PPM1G: variants seen among roughly 807,000 people sequenced by gnomAD.
PPM1G encodes protein phosphatase, Mg2+/Mn2+ dependent 1G.
In PPM1G, 12 loss-of-function variants were observed where a neutral mutation model predicts 59.4. That is an observed-to-expected ratio of 0.20 (90% CI 0.13 to 0.33). The LOEUF (loss-of-function observed/expected upper bound fraction) is 0.33. PPM1G is among the 10% of genes least tolerant of loss of function. PPM1G has a pLI of 1.00. For synonymous variants in PPM1G, 245 were observed against 251.9 expected (o/e 0.97, Z 0.26); for missense variants, 392 against 681.3 (o/e 0.58, Z 4.73).
intron 1 of PPM1G, chr2:27,393,178 TCTC>T (rs1683958780): frequency 6.7e-7 from 1 of 1,500,512 alleles, no homozygotes; most frequent in Non-Finnish European, 9.2e-7. Context: ...GCATGTTCCC[TCTC>T]CTCATGAGAT....
intron 1 of PPM1G, 136 bp from the exon 2 acceptor site, chr2:27,387,294 GATAAA>G (rs1462417865): frequency 1.5e-6 from 1 of 645,378 alleles, no homozygotes; most frequent in African/African-American, 1.8e-5. Flanking sequence ...AAGAAGGAAT[GATAAA>G]ATAAATACAG....
rs143885038 is a variant in PPM1G at position 27,396,267 on chromosome 2, G to A, written c.121-9109C>T. ...AGCCTGGGCGACAGAGCAGGACTCC[G>A]TCTCAAAAAAATTTTTTTTAAATTA... On this transcript the variant is annotated intron_variant, in intron 1 of 9. Coordinates refer to ENST00000344034, the MANE Select transcript of PPM1G (RefSeq NM_177983.3). Among the ~76,000 whole-genome samples, 330 of 152,204 alleles carry A rather than the reference G, an allele frequency of 2.2e-3. 3 individuals carry two copies. The highest frequency in any genetic ancestry group is 7.2e-3 in the African/African-American group (298 of 41,538).
chr2:27,400,634 G>C (rs1415162545), intron 1 of PPM1G, among the ~76,000 whole-genome samples: 1 of 152,044 alleles, frequency 6.6e-6, no homozygotes, highest in Non-Finnish European at 1.5e-5. Flanking sequence ...TGACCTCCTG[G>C]AGATAAGAAA....
At chr2:27,393,647 C>A (rs936261849) in intron 1 of PPM1G, among the ~76,000 whole-genome samples, 4 of 152,178 alleles carry the variant, frequency 2.6e-5, no homozygotes, top group African/African-American at 7.2e-5. Flanking sequence ...TGCAGTGGCG[C>A]AATCTTGGCT....
chr2:27,394,487 T>C (rs867706703), intron 1 of PPM1G, among the ~76,000 whole-genome samples: 91 of 151,912 alleles, frequency 6.0e-4, no homozygotes, highest in African/African-American at 2.0e-3. Context: ...TCCCACCACT[T>C]TGGGAGGCCG....
rs70953857 is a variant in PPM1G, at chr2:27,392,286, GTTT to G, written c.121-5131_121-5129del. On this transcript the variant is annotated intron_variant, in intron 1 of 9. Transcript: ENST00000344034. ...TTACTTTGTTTTGTTGGTTTGTTTT[GTTT>G]TTTTTTTTTTTTTTTTTTTTTGAGA... is the stretch of plus-strand genomic sequence containing the variant. Among the ~76,000 whole-genome samples the G allele has an allele frequency of 1.7e-3, 122 of 70,418 alleles. 1 individual carries two copies. The highest frequency in any genetic ancestry group is 8.5e-3 in the South Asian group (18 of 2,120). The allele number at this position is 70,418 out of a possible 152,430, so 46.2% of individuals were successfully genotyped here. A position where few individuals can be genotyped will look rare whatever the true frequency, so the allele number is the denominator to read the frequency against.
chr2:27,395,616 G>A (rs1332865553), intron 1 of PPM1G, among the ~76,000 whole-genome samples: 2 of 152,102 alleles, frequency 1.3e-5, no homozygotes, highest in Non-Finnish European at 2.9e-5. Flanking sequence ...GCTGAGGTGG[G>A]AGGATCACTT....
rs202219972 is a variant in PPM1G at position 27,391,174 on chromosome 2, GATTT to G, written c.121-4020_121-4017del. 7.6e-3 allele frequency among the ~76,000 whole-genome samples: 1,154 copies of G among 152,310 alleles called. 19 individuals carry two copies. Among genetic ancestry groups the G allele is most frequent in the African/African-American group, 0.026 (1,100 of 41,566 alleles). The stretch of plus-strand genomic sequence containing the variant: ...GGTACATATGTTCTTTTGGCAGAAT[GATTT>G]ATTTTCCTTTGGCCGTATATCCAGC... On this transcript the variant is annotated intron_variant, in intron 1 of 9. Coordinates refer to ENST00000344034, the MANE Select transcript of PPM1G (RefSeq NM_177983.3).
At chr2:27,404,852 G>A (rs925662316) in intron 1 of PPM1G, among the ~76,000 whole-genome samples, 2 of 149,738 alleles carry the variant, frequency 1.3e-5, no homozygotes, top group Non-Finnish European at 3.0e-5. Flanking sequence ...GCTGAGGCAG[G>A]AGAATCGCTT....
chr2:27,381,635 G>A lies in PPM1G; in HGVS notation c.1605C>T (p.Gly535=), dbSNP rs1320778381. ...VLSTEGAEEN[G]NSDKKKKAKR... The stretch of plus-strand genomic sequence containing the variant: ...TGGCCTTCTTCTTCTTGTCGCTGTT[G>A]CCATTTTCTTCAGCCCCCTCAGTAG... The change falls in exon 10 of 10, where the codon GGC becomes GGT. Residue 535 remains glycine, a synonymous_variant. Transcript: ENST00000344034. The A allele has an allele frequency of 6.2e-7, 1 of 1,614,064 alleles. No individual in the cohort carries two copies. The highest frequency in any genetic ancestry group is 2.2e-5 in the East Asian group (1 of 44,858).
At chr2:27,392,874 G>C in intron 1 of PPM1G, 1 of 1,422,264 alleles carries the variant, frequency 7.0e-7, no homozygotes, top group Middle Eastern at 2.4e-4. Flanking sequence ...CGTGCATGTT[G>C]GTCACGTGGT....
intron 1 of PPM1G, among the ~76,000 whole-genome samples, chr2:27,389,737 G>C (rs78495141): frequency 0.011 from 1,720 of 152,246 alleles, 38 homozygotes; most frequent in African/African-American, 0.039. Context: ...AGGTAGGCAG[G>C]AGGACTGATT....
chr2:27,385,073 G>T lies in PPM1G; in HGVS notation c.425C>A (p.Ala142Asp). The T allele has an allele frequency of 6.2e-7, 1 of 1,606,140 alleles. No homozygotes were observed. The change falls in exon 5 of 10, where the codon GCT (alanine) becomes GAT (aspartate). Residue 142 changes from alanine (A) to aspartate (D), a missense_variant. Ala to Asp is a moderately radical substitution (Grantham distance 126). Transcript: ENST00000344034. This position sits in a 1 kb window ranked among gnomAD's most constrained non-coding sequence, Gnocchi z 4.1. The stretch of plus-strand genomic sequence containing the variant: ...GGTAGCCTCTTCATGCAGCAGTGCA[G>T]CCTCCTCATTGTCCACTGCAGGGAA... ...ADEDDVDNEE[A>D]ALLHEEATMT...
rs886464098 is a variant in PPM1G at position 27,381,405 on chromosome 2, G to A, written c.*194C>T. 1.3e-5 allele frequency: 8 copies of A among 615,698 alleles called. No homozygotes were observed. Among genetic ancestry groups the A allele is most frequent in the South Asian group, 2.0e-5 (1 of 51,264 alleles). The allele number at this position is 615,698 out of a possible 1,614,324, so 38.1% of individuals were successfully genotyped here. A position where few individuals can be genotyped will look rare whatever the true frequency, so the allele number is the denominator to read the frequency against. ...GGTGATGAGCCCGAGGAGCAGAGGC[G>A]GCTGGGAAGGACAGCAGAGGCTCCC... On this transcript the variant is annotated 3_prime_UTR_variant, in exon 10 of 10. Coordinates refer to ENST00000344034, the MANE Select transcript of PPM1G (RefSeq NM_177983.3).
intron 1 of PPM1G, among the ~76,000 whole-genome samples, chr2:27,391,192 C>T (rs1208257355): frequency 2.0e-5 from 3 of 152,114 alleles, no homozygotes; most frequent in East Asian, 1.9e-4. Flanking sequence ...TTCCTTTGGC[C>T]GTATATCCAG....
Position 27,382,258 on chromosome 2 carries a change from C to G in PPM1G, c.1332-30G>C, listed in dbSNP as rs201395792. 1.6e-4 allele frequency: 262 copies of G among 1,605,380 alleles called. No individual in the cohort carries two copies. The African/African-American group carries it at 3.3e-3, about 20-fold the overall frequency. On this transcript the variant is annotated intron_variant, in intron 8 of 9. Transcript: ENST00000344034. This position sits in a 1 kb window ranked among gnomAD's most constrained non-coding sequence, Gnocchi z 4.2. ...GGTCAAGAACAACAGTCAGAATCTT[C>G]CAGTCTCACTAAGGCAGCGTAGAGG...
chr2:27,388,954 T>C (rs535260913), intron 1 of PPM1G, among the ~76,000 whole-genome samples: 19 of 148,954 alleles, frequency 1.3e-4, no homozygotes, highest in Non-Finnish European at 2.2e-4. Context: ...AGGGTGAGAT[T>C]TGGGTAATAA....
chr2:27,382,422 T>C lies in PPM1G; in HGVS notation c.1331+54A>G. The C allele has an allele frequency of 3.1e-6, 5 of 1,610,264 alleles. No individual in the cohort carries two copies. The highest frequency in any genetic ancestry group is 1.1e-5 in the South Asian group (1 of 90,602). On this transcript the variant is annotated intron_variant, in intron 8 of 9. Coordinates refer to ENST00000344034, the MANE Select transcript of PPM1G (RefSeq NM_177983.3). The surrounding 1 kb of genome is among the most constrained non-coding windows in gnomAD (Gnocchi z 4.2). ...AATCCTAGAGGTGCCCTGAGTCCTATAAGAGAAGACATGCTGCAGAAAGGG... is the reference window on the plus strand; with the variant it reads ...AATCCTAGAGGTGCCCTGAGTCCTACAAGAGAAGACATGCTGCAGAAAGGG...
rs772943016 is a variant in PPM1G at position 27,383,603 on chromosome 2, TAAG to T, written c.967-6_967-4del. On this transcript the variant is annotated splice_region_variant and splice_polypyrimidine_tract_variant and intron_variant, in intron 6 of 9. Transcript: ENST00000344034. This position sits in a 1 kb window ranked among gnomAD's most constrained non-coding sequence, Gnocchi z 5.0. ...GTTGTACCACTGTCAGAGCCAGGCT[TAAG>T]AGGAAGAAAAGGAGCATCATGGGGG... 6.2e-7 allele frequency: 1 copy of T among 1,609,604 alleles called. No individual in the cohort carries two copies. Among genetic ancestry groups the T allele is most frequent in the South Asian group, 1.1e-5 (1 of 90,578 alleles).
Sources: allele counts gnomAD v4.1 joint callset (sites outside exome capture counted in the v4.1 genomes callset), GRCh38; gene constraint gnomAD v4.1.1; non-coding constraint Gnocchi (gnomAD v3.1); transcripts MANE v1.5; gene names NCBI Gene and HGNC (gene_info 2026-07-23, HGNC 2026-07-21).